RHOH: variants seen among roughly 807,000 people sequenced by gnomAD.
The protein encoded by RHOH is rho-related GTP-binding protein RhoH.
RHOH carries 6 observed loss-of-function variants against 13.8 expected under a neutral mutation model. That is an observed-to-expected ratio of 0.44 (90% CI 0.24 to 0.86). RHOH has a LOEUF of 0.86. Among genes scored for constraint, RHOH ranks in the 40% least tolerant of loss-of-function variants. The pLI, the probability that RHOH is intolerant of heterozygous loss-of-function variation, is 0.24. For synonymous variants in RHOH, 117 were observed against 103.0 expected (o/e 1.14, Z -0.82); for missense variants, 147 against 244.5 (o/e 0.60, Z 2.66).
At chr4:40,193,479 CGAGAGAGAGA>C (rs34244157), upstream of RHOH, among the ~76,000 whole-genome samples, 11 of 88,658 alleles carry the variant, frequency 1.2e-4, no homozygotes, top group African/African-American at 3.8e-4. Context: ...AGAATGAGAG[CGAGAGAGAGA>C]GAGAGAGAGA....
intron 1 of RHOH, among the ~76,000 whole-genome samples, chr4:40,201,079 C>T (rs1352372739): frequency 6.6e-6 from 1 of 152,160 alleles, no homozygotes; most frequent in African/African-American, 2.4e-5. Flanking sequence ...ATACGGTTCT[C>T]ATCACATTTG....
Position 40,232,435 on chromosome 4 carries a change from C to T in RHOH, c.-330-10279C>T, listed in dbSNP as rs547362578. Reference sequence around the variant, plus strand: ...AGACTTGGTGGTGAGGCACCGGAGGCGGGGGGCAGGGGTCTCATCATGTTG... The same window carrying T: ...AGACTTGGTGGTGAGGCACCGGAGGTGGGGGGCAGGGGTCTCATCATGTTG... On this transcript the variant is annotated intron_variant, in intron 1 of 2. Coordinates refer to ENST00000381799, the MANE Select transcript of RHOH (RefSeq NM_004310.5). Among the ~76,000 whole-genome samples the T allele has an allele frequency of 7.6e-4, 105 of 137,630 alleles. No individual in the cohort carries two copies. The Middle Eastern group carries it at 0.013, about 16-fold the overall frequency. The allele number at this position is 137,630 out of a possible 152,430, so 90.3% of individuals were successfully genotyped here. A position where few individuals can be genotyped will look rare whatever the true frequency, so the allele number is the denominator to read the frequency against.
intron 1 of RHOH, among the ~76,000 whole-genome samples, chr4:40,225,769 A>G (rs547207046): frequency 1.2e-4 from 19 of 152,290 alleles, no homozygotes; most frequent in Non-Finnish European, 2.9e-5. Context: ...AGGATTGCTC[A>G]GTTTCATCAA....
chr4:40,244,408 T>C lies in RHOH; in HGVS notation c.*446T>C, dbSNP rs1395683151. ...TGTGAGTGAAATGCTTGTACGAAGC[T>C]CTGCCATATGTTTGTAGTGTTATTA... On this transcript the variant is annotated 3_prime_UTR_variant, in exon 3 of 3. Coordinates refer to ENST00000381799, the MANE Select transcript of RHOH (RefSeq NM_004310.5). 1 of 225,950 alleles carries C rather than the reference T, an allele frequency of 4.4e-6. No individual in the cohort carries two copies. The highest frequency in any genetic ancestry group is 9.6e-6 in the Non-Finnish European group (1 of 104,524). The allele number at this position is 225,950 out of a possible 1,614,324, so 14.0% of individuals were successfully genotyped here.
At chr4:40,215,065 G>C (rs1345063558) in intron 1 of RHOH, among the ~76,000 whole-genome samples, 1 of 152,198 alleles carries the variant, frequency 6.6e-6, no homozygotes, top group East Asian at 1.9e-4. Context: ...CTGAGGGTAA[G>C]AGGTGAAGCC....
At chr4:40,216,851 G>T (rs2109430338) in intron 1 of RHOH, among the ~76,000 whole-genome samples, 1 of 152,310 alleles carries the variant, frequency 6.6e-6, no homozygotes, top group East Asian at 1.9e-4. Context: ...AAATTTGGGG[G>T]CAGGATTAGA....
At chr4:40,216,248 T>C (rs1438232697) in intron 1 of RHOH, among the ~76,000 whole-genome samples, 1 of 151,494 alleles carries the variant, frequency 6.6e-6, no homozygotes, top group Non-Finnish European at 1.5e-5. Context: ...GTGGGTGAAT[T>C]GCTTGAGCTC....
intron 1 of RHOH, among the ~76,000 whole-genome samples, chr4:40,198,980 C>T (rs796544817): frequency 1.3e-5 from 2 of 152,158 alleles, no homozygotes; most frequent in African/African-American, 2.4e-5. Flanking sequence ...AAACATACAG[C>T]ACGGTGAATA....
chr4:40,243,227 C>A lies in RHOH; in HGVS notation c.-160C>A. 1.8e-6 allele frequency: 1 copy of A among 570,218 alleles called. No individual in the cohort carries two copies. The highest frequency in any genetic ancestry group is 3.1e-6 in the Non-Finnish European group (1 of 321,170). 35.3% of individuals were successfully genotyped at this position (570,218 alleles called of 1,614,324 possible). A position where few individuals can be genotyped will look rare whatever the true frequency, so the allele number is the denominator to read the frequency against. On this transcript the variant is annotated 5_prime_UTR_variant, in exon 3 of 3. Transcript: ENST00000381799. This position sits in a 1 kb window ranked among gnomAD's most constrained non-coding sequence, Gnocchi z 6.2. ...TCAAAGCAGACGGTGCTTGGATGGG[C>A]AGGGAGAAGTAACATTCTGCAAATC...
At chr4:40,221,871 T>C (rs554903978) in intron 1 of RHOH, among the ~76,000 whole-genome samples, 3 of 152,280 alleles carry the variant, frequency 2.0e-5, no homozygotes, top group Non-Finnish European at 2.9e-5. Context: ...GTTAGCCAGG[T>C]TGTCAATGCA....
chr4:40,230,332 C>T (rs1022967721), intron 1 of RHOH, among the ~76,000 whole-genome samples: 5 of 151,826 alleles, frequency 3.3e-5, no homozygotes, highest in Admixed American at 1.3e-4. Flanking sequence ...GTCATGGCAC[C>T]CGGCCTGGAC....
At chr4:40,215,218 T>C (rs747595611) in intron 1 of RHOH, among the ~76,000 whole-genome samples, 1 of 152,192 alleles carries the variant, frequency 6.6e-6, no homozygotes, top group Admixed American at 6.5e-5. Context: ...GCTGGAGTCC[T>C]GAGAATGAGG....
chr4:40,210,559 C>T (rs561754849), intron 1 of RHOH, among the ~76,000 whole-genome samples: 3 of 152,122 alleles, frequency 2.0e-5, no homozygotes, highest in African/African-American at 7.2e-5. Context: ...CTAGGTTACA[C>T]AGCCACTCCA....
At chr4:40,238,844 C>CT (rs936060526) in intron 1 of RHOH, among the ~76,000 whole-genome samples, 6 of 152,176 alleles carry the variant, frequency 3.9e-5, no homozygotes, top group African/African-American at 9.7e-5. Context: ...GGAAGACTCA[C>CT]TTTTTTTCAC....
At chr4:40,191,250 A>G (rs1194857444), upstream of RHOH, 1 of 152,212 alleles carries the variant, frequency 6.6e-6, no homozygotes, top group African/African-American at 2.4e-5. Flanking sequence ...AATCTTTAAA[A>G]ACTTTGTCAA....
intron 1 of RHOH, among the ~76,000 whole-genome samples, chr4:40,216,553 G>GAGGT (rs1382037436): frequency 1.3e-5 from 2 of 152,170 alleles, no homozygotes; most frequent in African/African-American, 4.8e-5. Context: ...ATTTCTCTAA[G>GAGGT]TGTCAGTTTC....
chr4:40,220,755 A>G (rs1008770376), intron 1 of RHOH, among the ~76,000 whole-genome samples: 5 of 152,180 alleles, frequency 3.3e-5, no homozygotes, highest in African/African-American at 7.2e-5. Context: ...TTAGACTTCT[A>G]TGGATTTGAA....
intron 1 of RHOH, among the ~76,000 whole-genome samples, chr4:40,223,767 G>GTTTTTTTTTTTTTTTTTTTTTTT: frequency 1.2e-5 from 1 of 83,932 alleles, no homozygotes; most frequent in Non-Finnish European, 2.2e-5. Context: ...AACATAACTT[G>GTTTTTTTTTTTTTTTTTTTTTTT]TTTTTTTTTT....
At position 40,239,691 on chromosome 4, in the gene RHOH, CA is replaced by C. The variant is rs553813308; in HGVS notation, c.-330-3021del. ...CCCAGGAGTTTGAGAGCAGTCTGGC[CA>C]ACATGGTGAAACCCCATCTCCACTA... On this transcript the variant is annotated intron_variant, in intron 1 of 2. Coordinates refer to ENST00000381799, the MANE Select transcript of RHOH (RefSeq NM_004310.5). Among the ~76,000 whole-genome samples the C allele has an allele frequency of 1.8e-4, 27 of 152,142 alleles. 1 individual carries two copies. The highest frequency in any genetic ancestry group is 1.6e-3 in the Admixed American group (25 of 15,272).
Sources: gnomAD v4.1 joint callset for allele counts (sites outside exome capture counted in the v4.1 genomes callset) on GRCh38, gnomAD v4.1.1 for gene constraint, Gnocchi (gnomAD v3.1) non-coding constraint, MANE v1.5 for transcripts, NCBI Gene and HGNC (gene_info 2026-07-23, HGNC 2026-07-21) for gene names.